The following ASPRV1 variants were observed in gnomAD, a reference collection of about 807,000 sequenced individuals.
ASPRV1 encodes aspartic peptidase retroviral like 1.
ASPRV1 carries 7 observed loss-of-function variants against 11.0 expected under a neutral mutation model. The ratio of observed to expected loss-of-function variants is 0.64; its 90% CI spans 0.36 to 1.20. The LOEUF (loss-of-function observed/expected upper bound fraction) is 1.20, where lower values mean the gene tolerates loss of function less well. ASPRV1 is among the 50% of genes most tolerant of loss of function. The probability of loss-of-function intolerance (pLI) is 0.02; values close to 1 mark genes in which losing one functional copy is unlikely to be tolerated. For missense variants in ASPRV1, 299 were observed against 320.0 expected (o/e 0.93, Z 0.50); for synonymous variants, 136 against 138.4 (o/e 0.98, Z 0.12).
At chr2:69,987,355 C>T in the ASPRV1 span, among the ~76,000 whole-genome samples, 1 of 152,098 alleles carries the variant, frequency 6.6e-6, no homozygotes, top group South Asian at 2.1e-4. Context: ...TCACAGGAAA[C>T]CCACGGTGGG....
At chr2:70,036,833 T>G in the ASPRV1 span, among the ~76,000 whole-genome samples, 729 of 152,004 alleles carry the variant, frequency 4.8e-3, 6 homozygotes, top group Non-Finnish European at 6.9e-3. Context: ...GCGCCTGGCC[T>G]AAAGTAATTT....
At chr2:69,970,336 C>T in the ASPRV1 span, among the ~76,000 whole-genome samples, 1 of 152,178 alleles carries the variant, frequency 6.6e-6, no homozygotes, top group African/African-American at 2.4e-5. Context: ...CTGCTCATGC[C>T]ATTCTGCTCA....
At chr2:70,053,919 T>A in the ASPRV1 span, 1 of 152,264 alleles carries the variant, frequency 6.6e-6, no homozygotes, top group Non-Finnish European at 1.5e-5. Context: ...TTGCCAAATG[T>A]GTATTTATTG....
At chr2:69,948,845 C>A in the ASPRV1 span, among the ~76,000 whole-genome samples, 1 of 152,124 alleles carries the variant, frequency 6.6e-6, no homozygotes. Flanking sequence ...ACTCAGGCCT[C>A]CCCCGCGGCG....
chr2:69,987,779 T>C, the ASPRV1 span, among the ~76,000 whole-genome samples: 1 of 152,032 alleles, frequency 6.6e-6, no homozygotes, highest in Non-Finnish European at 1.5e-5. Flanking sequence ...TAAAGGATGG[T>C]TGTCTCAGAG....
the ASPRV1 span, chr2:70,030,093 T>G: frequency 6.6e-6 from 1 of 151,738 alleles, no homozygotes; most frequent in Non-Finnish European, 1.5e-5. Flanking sequence ...ATCCCCAGAG[T>G]TTTAAACAGG....
chr2:70,085,285 C>G, the ASPRV1 span, among the ~76,000 whole-genome samples: 1 of 152,150 alleles, frequency 6.6e-6, no homozygotes, highest in Non-Finnish European at 1.5e-5. Context: ...CGACAGACAC[C>G]TGAGCCTCTG....
At chr2:70,023,415 T>C in the ASPRV1 span, among the ~76,000 whole-genome samples, 3 of 152,220 alleles carry the variant, frequency 2.0e-5, no homozygotes, top group South Asian at 2.1e-4. Flanking sequence ...CTCCCGGCTG[T>C]AGCCCAGGGT....
chr2:70,027,774 T>C, the ASPRV1 span, among the ~76,000 whole-genome samples: 1,632 of 152,308 alleles, frequency 0.011, 30 homozygotes, highest in African/African-American at 0.037. Context: ...TAGTATTCAA[T>C]AGCACACAAG....
the ASPRV1 span, among the ~76,000 whole-genome samples, chr2:70,036,300 T>C: frequency 6.6e-6 from 1 of 152,020 alleles, no homozygotes; most frequent in South Asian, 2.1e-4. Flanking sequence ...ATAGTGGTGA[T>C]AAAAGCAGTG....
the ASPRV1 span, among the ~76,000 whole-genome samples, chr2:69,991,638 C>T: frequency 7.2e-5 from 11 of 152,102 alleles, no homozygotes; most frequent in African/African-American, 1.2e-4. Context: ...ATCTTCGCCT[C>T]CCGGGTTCAA....
the ASPRV1 span, among the ~76,000 whole-genome samples, chr2:70,075,454 CCT>C: frequency 6.6e-6 from 1 of 151,620 alleles, no homozygotes; most frequent in African/African-American, 2.4e-5. Context: ...AGTTTTCTAA[CCT>C]CTCTTCAACT....
chr2:69,966,178 G>A (rs1158885862), upstream of ASPRV1, among the ~76,000 whole-genome samples: 1 of 152,240 alleles, frequency 6.6e-6, no homozygotes, highest in African/African-American at 2.4e-5. Flanking sequence ...GAGTTGGTCA[G>A]ACCAAGTTGC....
At position 69,960,795 on chromosome 2, in the gene ASPRV1, A is replaced by G. The variant is rs769314400; in HGVS notation, c.642T>C (p.Phe214=). 6.2e-7 allele frequency: 1 copy of G among 1,614,010 alleles called. No individual in the cohort carries two copies. Among genetic ancestry groups the G allele is most frequent in the Non-Finnish European group, 8.5e-7 (1 of 1,180,022 alleles). ...CTTTCAGGGTGCATGTGCGGTGCTC[A>G]AAGTCCAGGATAGCATTGTGGTCCT... ...VLQDHNAILD[F]EHRTCTLKGK... is the part of the protein sequence containing the mutation. The change falls in exon 1 of 1, where the codon TTT becomes TTC. Residue 214 remains phenylalanine, a synonymous_variant. Transcript: ENST00000320256.
the ASPRV1 span, chr2:70,056,653 G>GTT: frequency 6.8e-6 from 1 of 148,042 alleles, no homozygotes; most frequent in East Asian, 2.0e-4. Context: ...TTTTACGTTT[G>GTT]TTTTTTACAA....
the ASPRV1 span, among the ~76,000 whole-genome samples, chr2:70,011,309 T>C: frequency 6.7e-6 from 1 of 149,604 alleles, no homozygotes; most frequent in African/African-American, 2.5e-5. Context: ...ACTCTTGTGG[T>C]TTCCAACCAG....
At chr2:70,075,455 C>T in the ASPRV1 span, among the ~76,000 whole-genome samples, 5 of 151,842 alleles carry the variant, frequency 3.3e-5, no homozygotes, top group Admixed American at 3.3e-4. Flanking sequence ...GTTTTCTAAC[C>T]TCTCTTCAAC....
the ASPRV1 span, chr2:69,976,428 G>A: frequency 2.0e-5 from 3 of 152,268 alleles, no homozygotes; most frequent in Admixed American, 1.3e-4. Context: ...CACCTACCAG[G>A]AGTCACTTCC....
the ASPRV1 span, among the ~76,000 whole-genome samples, chr2:69,973,525 T>A: frequency 2.0e-5 from 3 of 152,172 alleles, no homozygotes; most frequent in Admixed American, 6.5e-5. Context: ...CTTTTTTATT[T>A]TTTGTAGAGA....
Sources: gnomAD v4.1 joint callset for allele counts (sites outside exome capture counted in the v4.1 genomes callset) on GRCh38, gnomAD v4.1.1 for gene constraint, MANE v1.5 for transcripts, NCBI Gene and HGNC (gene_info 2026-07-23, HGNC 2026-07-21) for gene names.